Variants in RNF216 observed in about 807,000 individuals in gnomAD.
RNF216 encodes the protein E3 ubiquitin-protein ligase RNF216.
Under a neutral mutation model 110.8 loss-of-function variants are expected in RNF216, and 72 were observed. The ratio of observed to expected loss-of-function variants is 0.65; its 90% CI spans 0.54 to 0.79. RNF216 has a LOEUF of 0.79. Ranked by LOEUF, RNF216 falls within the 30% of genes least tolerant of loss-of-function variation. RNF216 has a pLI of 0.00. For missense variants in RNF216, 1,342 were observed against 1,141.2 expected, an observed-to-expected ratio of 1.18 and a Z score of -2.54; for synonymous variants, 495 against 407.5, an observed-to-expected ratio of 1.21 and a Z score of -2.59.
At chr7:5,661,972 C>CT in intron 13 of RNF216, among the ~76,000 whole-genome samples, 1 of 152,350 alleles carries the variant, frequency 6.6e-6, no homozygotes, top group East Asian at 1.9e-4. Context: ...AAGCAGGTCA[C>CT]TGTTTACTGG....
chr7:5,683,995 G>C (rs372161549), intron 13 of RNF216, among the ~76,000 whole-genome samples: 36 of 152,174 alleles, frequency 2.4e-4, no homozygotes, highest in African/African-American at 8.4e-4. Context: ...TCTTGTGGCG[G>C]GATGTGTGAA....
At chr7:5,730,629 C>A in intron 6 of RNF216, 86 bp downstream of exon 6, 1 of 1,589,770 alleles carries the variant, frequency 6.3e-7, no homozygotes, top group Non-Finnish European at 8.6e-7. Flanking sequence ...AAAGCACTTT[C>A]TTCCCACAGA....
At chr7:5,634,283 T>C (rs1156292887) in intron 15 of RNF216, among the ~76,000 whole-genome samples, 1 of 141,530 alleles carries the variant, frequency 7.1e-6, no homozygotes. Flanking sequence ...GCAAGTCGAC[T>C]GGTGCTTCCC....
At chr7:5,625,374 C>T (rs1410307141) in intron 15 of RNF216, among the ~76,000 whole-genome samples, 3 of 152,160 alleles carry the variant, frequency 2.0e-5, no homozygotes, top group Admixed American at 6.6e-5. Context: ...CTAGACACGG[C>T]GTCAGAGCCT....
intron 15 of RNF216, among the ~76,000 whole-genome samples, chr7:5,625,387 A>G (rs1056933061): frequency 1.3e-5 from 2 of 152,240 alleles, no homozygotes; most frequent in South Asian, 2.1e-4. Context: ...CAGAGCCTAA[A>G]TATCTGGCCA....
At chr7:5,726,674 A>G (rs1361370585) in intron 7 of RNF216, among the ~76,000 whole-genome samples, 1 of 152,116 alleles carries the variant, frequency 6.6e-6, no homozygotes, top group Non-Finnish European at 1.5e-5. Flanking sequence ...CCTGGACAAC[A>G]TGGCAAAACC....
At chr7:5,773,371 T>G (rs751051162) in intron 1 of RNF216, among the ~76,000 whole-genome samples, 2 of 149,894 alleles carry the variant, frequency 1.3e-5, no homozygotes, top group Admixed American at 6.7e-5. Flanking sequence ...ACCTCCAGAA[T>G]AGCTGGGATT....
In RNF216 at chr7:5,652,438, C is replaced by G; in HGVS notation, c.2134G>C (p.Asp712His). ...ATAGAGGTACGGTACTTGATGTCGTCTTTTTCAGCCAGCTCTTCACAGGTG... is the reference window on the plus strand; with the variant it reads ...ATAGAGGTACGGTACTTGATGTCGTGTTTTTCAGCCAGCTCTTCACAGGTG... ...GLTCEELAEK[D>H]DIKYRTSIEE... The change falls in exon 14 of 17, where the codon GAC becomes CAC. Residue 712 changes from aspartate (D) to histidine (H), a missense_variant. Coordinates refer to ENST00000389902, the MANE Select transcript of RNF216 (RefSeq NM_207111.4). The G allele has an allele frequency of 6.2e-7, 1 of 1,613,578 alleles. No homozygotes were observed.
intron 2 of RNF216, among the ~76,000 whole-genome samples, 194 bp downstream of exon 2, chr7:5,760,809 G>A (rs1001527209): frequency 2.0e-5 from 3 of 152,182 alleles, no homozygotes; most frequent in Non-Finnish European, 4.4e-5. Flanking sequence ...CATTTGTAAT[G>A]AATGAGTCTT....
Position 5,652,131 on chromosome 7 carries a change from C to T in RNF216, c.2159+282G>A, listed in dbSNP as rs539715299. ...CTAGTGCAGTCTAAGTTAATTAAAA[C>T]GCGTTACTTGCTTATTTAGAAAATA... is the stretch of plus-strand genomic sequence containing the variant. On this transcript the variant is annotated intron_variant, in intron 14 of 16. Coordinates refer to ENST00000389902, the MANE Select transcript of RNF216 (RefSeq NM_207111.4). Among the ~76,000 whole-genome samples the T allele has an allele frequency of 6.6e-5, 10 of 152,204 alleles. No homozygotes were observed. In the South Asian group the frequency reaches 1.2e-3, roughly 19 times the overall value.
intron 15 of RNF216, among the ~76,000 whole-genome samples, chr7:5,639,389 G>A (rs771135918): frequency 4.9e-4 from 75 of 152,194 alleles, no homozygotes; most frequent in Middle Eastern, 3.4e-3. Flanking sequence ...ACATAGAGGA[G>A]AAACACACTT....
At chr7:5,689,141 A>G (rs1402187826) in intron 13 of RNF216, among the ~76,000 whole-genome samples, 1 of 152,068 alleles carries the variant, frequency 6.6e-6, no homozygotes, top group Non-Finnish European at 1.5e-5. Flanking sequence ...TGCAGAACCA[A>G]AAGCACAGGA....
intron 14 of RNF216, among the ~76,000 whole-genome samples, chr7:5,642,255 T>C (rs1303693424): frequency 1.3e-5 from 2 of 150,830 alleles, no homozygotes; most frequent in East Asian, 2.0e-4. Context: ...CTCTGTCACC[T>C]AGCCTGGGGC....
intron 13 of RNF216, among the ~76,000 whole-genome samples, chr7:5,682,144 G>A (rs571274663): frequency 3.9e-5 from 6 of 152,298 alleles, no homozygotes; most frequent in African/African-American, 7.2e-5. Flanking sequence ...AGGAAAAACC[G>A]TTGGCTTTCT....
intron 15 of RNF216, among the ~76,000 whole-genome samples, chr7:5,640,724 C>T (rs1787685159): frequency 6.8e-6 from 1 of 146,508 alleles, no homozygotes; most frequent in Non-Finnish European, 1.6e-5. Flanking sequence ...CTTGGTCATG[C>T]TTTCTATTTG....
intron 13 of RNF216, among the ~76,000 whole-genome samples, chr7:5,689,924 C>G (rs1791223590): frequency 6.9e-6 from 1 of 145,254 alleles, no homozygotes; most frequent in Admixed American, 6.8e-5. Context: ...CTGGGTGACT[C>G]TGTCTCAAAC....
At chr7:5,640,047 C>T (rs544669168) in intron 15 of RNF216, among the ~76,000 whole-genome samples, 44 of 151,942 alleles carry the variant, frequency 2.9e-4, no homozygotes, top group African/African-American at 1.0e-3. Flanking sequence ...GCGTGAGCCA[C>T]CGCGCCCGGC....
intron 15 of RNF216, among the ~76,000 whole-genome samples, chr7:5,632,515 G>A (rs559658899): frequency 4.6e-5 from 7 of 152,346 alleles, no homozygotes; most frequent in Non-Finnish European, 7.3e-5. Context: ...AAGAACAAGC[G>A]TAATGATGTG....
At chr7:5,744,422 A>C (rs963093804) in intron 3 of RNF216, among the ~76,000 whole-genome samples, 2 of 152,130 alleles carry the variant, frequency 1.3e-5, no homozygotes, top group Admixed American at 6.5e-5. Flanking sequence ...AGAAGAGAAG[A>C]AGCTGTTTCT....
Sources: gnomAD v4.1 joint callset for allele counts (sites outside exome capture counted in the v4.1 genomes callset) on GRCh38, gnomAD v4.1.1 for gene constraint, MANE v1.5 for transcripts, NCBI Gene and HGNC (gene_info 2026-07-23, HGNC 2026-07-21) for gene names.